GOLGA4: variants seen among roughly 807,000 people sequenced by gnomAD.
GOLGA4 encodes golgin subfamily A member 4.
In GOLGA4, 169 loss-of-function variants were observed where a neutral mutation model predicts 265.9. The observed-to-expected ratio is 0.64, with a 90% confidence interval of 0.56 to 0.72. GOLGA4 has a LOEUF of 0.72. Among genes scored for constraint, GOLGA4 ranks in the 30% least tolerant of loss-of-function variants. The pLI, the probability that GOLGA4 is intolerant of heterozygous loss-of-function variation, is 0.00. For synonymous variants in GOLGA4, 923 were observed against 855.8 expected (o/e 1.08, Z -1.37); for missense variants, 2,482 against 2,483.4 (o/e 1.00, Z 0.01).
chr3:37,284,452 C>T (rs1489842788), intron 3 of GOLGA4, among the ~76,000 whole-genome samples: 2 of 152,052 alleles, frequency 1.3e-5, no homozygotes, highest in Admixed American at 6.5e-5. Flanking sequence ...CAGGGTTTCA[C>T]CATGTTGGCC....
Position 37,324,621 on chromosome 3 carries a change from T to G in GOLGA4, c.2735T>G (p.Met912Arg), listed in dbSNP as rs202017315. 4.6e-5 allele frequency: 74 copies of G among 1,613,244 alleles called. No individual in the cohort carries two copies. In the African/African-American group the frequency reaches 8.7e-4, roughly 19 times the overall value. Residue 912 changes from methionine (M) to arginine (R), a missense_variant, in exon 14 of 24, where the codon ATG (methionine) becomes AGG (arginine). This residue lies in a region of GOLGA4 where 1,536 missense variants were observed against 1,483.7 expected (regional missense o/e 1.04). Coordinates refer to ENST00000361924, the MANE Select transcript of GOLGA4 (RefSeq NM_002078.5). Reference protein sequence around the residue: ...TKQILVEKENMILQMREGQKK... With the variant: ...TKQILVEKENRILQMREGQKK... ...CAAATCTTGGTGGAAAAGGAAAATA[T>G]GATTTTACAAATGAGAGAAGGACAG...
intron 4 of GOLGA4, among the ~76,000 whole-genome samples, chr3:37,287,215 C>A (rs754324867): frequency 6.6e-6 from 1 of 152,112 alleles, no homozygotes; most frequent in Non-Finnish European, 1.5e-5. Context: ...GTGACGGGCA[C>A]CTGTAATCCC....
At chr3:37,338,408 A>C (rs1363806072) in intron 19 of GOLGA4, among the ~76,000 whole-genome samples, 2 of 152,192 alleles carry the variant, frequency 1.3e-5, no homozygotes, top group African/African-American at 4.8e-5. Flanking sequence ...GAAATTTTTC[A>C]TAATATTTCT....
chr3:37,358,792 C>G (rs56292102), intron 22 of GOLGA4, among the ~76,000 whole-genome samples: 2,225 of 152,236 alleles, frequency 0.015, 64 homozygotes, highest in African/African-American at 0.051. Flanking sequence ...CACGGTGATA[C>G]CAGCCCACAA....
intron 8 of GOLGA4, 48 bp downstream of exon 8, chr3:37,299,068 T>A: frequency 1.4e-6 from 2 of 1,390,618 alleles, no homozygotes; most frequent in Non-Finnish European, 9.9e-7. Context: ...TAAAGTTAGA[T>A]CCACAGGCTC....
chr3:37,292,290 G>C (rs1390663244), intron 5 of GOLGA4, among the ~76,000 whole-genome samples: 1 of 152,162 alleles, frequency 6.6e-6, no homozygotes, highest in Non-Finnish European at 1.5e-5. Flanking sequence ...TTCCAGAAGT[G>C]GGGGAGAAGG....
chr3:37,283,360 A>T (rs992908696), intron 3 of GOLGA4, among the ~76,000 whole-genome samples: 6 of 152,094 alleles, frequency 3.9e-5, no homozygotes, highest in Non-Finnish European at 7.4e-5. Context: ...TTTCCTTTAA[A>T]TTTTTTTAAC....
In GOLGA4 at chr3:37,275,623, T is replaced by C. The variant is rs573889093; in HGVS notation, c.163-6335T>C. On this transcript the variant is annotated intron_variant, in intron 2 of 23. Coordinates refer to ENST00000361924, the MANE Select transcript of GOLGA4 (RefSeq NM_002078.5). ...TGCGCGCCGGGGGTCGCTCCTGCTG[T>C]GTCTTCCGCTCCAGCTTCGCCCACT... 125 of 1,563,786 alleles carry C rather than the reference T, an allele frequency of 8.0e-5. No individual in the cohort carries two copies. The African/African-American group carries it at 1.4e-3, about 17-fold the overall frequency.
At chr3:37,252,234 A>G (rs1378698275) in intron 2 of GOLGA4, among the ~76,000 whole-genome samples, 2 of 152,168 alleles carry the variant, frequency 1.3e-5, no homozygotes, top group African/African-American at 2.4e-5. Flanking sequence ...CAGGTCAAGC[A>G]AAGGAACACT....
In GOLGA4 at chr3:37,274,130, AT is replaced by A. The variant is rs1292119922; in HGVS notation, c.163-7826del. ...AAAAAAAAAAAAGATAATAATAATAATTATGAGAAAGTGAAAACTTTTTGAA... is the reference window on the plus strand; with the variant it reads ...AAAAAAAAAAAAGATAATAATAATAATATGAGAAAGTGAAAACTTTTTGAA... On this transcript the variant is annotated intron_variant, in intron 2 of 23. Transcript: ENST00000361924. Among the ~76,000 whole-genome samples, 6 of 151,596 alleles carry A rather than the reference AT, an allele frequency of 4.0e-5. No homozygotes were observed. In the East Asian group the frequency reaches 1.2e-3, roughly 29 times the overall value.
intron 13 of GOLGA4, among the ~76,000 whole-genome samples, chr3:37,322,986 G>A (rs912239346): frequency 1.3e-5 from 2 of 151,944 alleles, no homozygotes; most frequent in African/African-American, 4.8e-5. Flanking sequence ...GAATTTTATG[G>A]TTTATTTCTT....
At chr3:37,266,086 C>G (rs1270041632) in intron 2 of GOLGA4, among the ~76,000 whole-genome samples, 3 of 151,100 alleles carry the variant, frequency 2.0e-5, no homozygotes, top group South Asian at 4.2e-4. Context: ...ACTGTAGGCA[C>G]TATGCTATAG....
chr3:37,323,974 A>G lies in GOLGA4; in HGVS notation c.2088A>G (p.Val696=), dbSNP rs774368191. ...CATTATCTTCTGAACTGTCAGAAGTATTAAAAGCCCGTCACAAACTAGAAG... is the reference window on the plus strand; with the variant it reads ...CATTATCTTCTGAACTGTCAGAAGTGTTAAAAGCCCGTCACAAACTAGAAG... ...LESLSSELSE[V]LKARHKLEEE... Residue 696 remains valine, a synonymous_variant, in exon 14 of 24, where the codon GTA becomes GTG. Coordinates refer to ENST00000361924, the MANE Select transcript of GOLGA4 (RefSeq NM_002078.5). 3 of 1,613,630 alleles carry G rather than the reference A, an allele frequency of 1.9e-6. No homozygotes were observed. Among genetic ancestry groups the G allele is most frequent in the Non-Finnish European group, 1.7e-6 (2 of 1,179,952 alleles).
chr3:37,249,250 A>C (rs1383128015), intron 1 of GOLGA4, among the ~76,000 whole-genome samples: 1 of 152,202 alleles, frequency 6.6e-6, no homozygotes, highest in African/African-American at 2.4e-5. Flanking sequence ...CGTGGTGTTC[A>C]AGGTAGGCTC....
intron 2 of GOLGA4, among the ~76,000 whole-genome samples, chr3:37,273,114 T>A (rs1211392105): frequency 1.3e-5 from 2 of 152,234 alleles, no homozygotes; most frequent in Non-Finnish European, 2.9e-5. Flanking sequence ...TTTTCAGAGC[T>A]TAGCCCAAAT....
At chr3:37,311,549 T>C (rs2096923174) in intron 10 of GOLGA4, among the ~76,000 whole-genome samples, 1 of 152,228 alleles carries the variant, frequency 6.6e-6, no homozygotes, top group Admixed American at 6.5e-5. Flanking sequence ...TTTAAAGTTC[T>C]ATCATCAGGC....
intron 2 of GOLGA4, among the ~76,000 whole-genome samples, chr3:37,270,585 T>C (rs1175246575): frequency 6.6e-6 from 1 of 152,182 alleles, no homozygotes; most frequent in Non-Finnish European, 1.5e-5. Context: ...ATATGGACTC[T>C]TGCTGTTCTT....
At chr3:37,254,459 G>A (rs937633823) in intron 2 of GOLGA4, among the ~76,000 whole-genome samples, 3 of 151,508 alleles carry the variant, frequency 2.0e-5, no homozygotes, top group Non-Finnish European at 2.9e-5. Context: ...TTTGTTTTTT[G>A]TTTTTTTAAT....
At chr3:37,356,692 T>C (rs1233867562) in intron 22 of GOLGA4, among the ~76,000 whole-genome samples, 1 of 152,148 alleles carries the variant, frequency 6.6e-6, no homozygotes, top group Non-Finnish European at 1.5e-5. Context: ...GAGTAAAATA[T>C]CTTTATGAAG....
Sources: gnomAD v4.1 joint callset for allele counts (sites outside exome capture counted in the v4.1 genomes callset) on GRCh38, gnomAD v4.1.1 for gene constraint, gnomAD v4.1.1 regional missense constraint, MANE v1.5 for transcripts, NCBI Gene and HGNC (gene_info 2026-07-23, HGNC 2026-07-21) for gene names.